RIMS2: variants seen among roughly 807,000 people sequenced by gnomAD.
RIMS2 encodes regulating synaptic membrane exocytosis protein 2.
Under a neutral mutation model 174.4 loss-of-function variants are expected in RIMS2, and 59 were observed. The observed-to-expected ratio is 0.34, with a 90% CI of 0.27 to 0.42. The LOEUF (loss-of-function observed/expected upper bound fraction) is 0.42, where lower values mean the gene tolerates loss of function less well. Among genes scored for constraint, RIMS2 ranks in the 10% least tolerant of loss-of-function variants. The pLI is 1.00. For missense variants in RIMS2, 1,620 were observed against 1,666.3 expected (o/e 0.97, Z 0.48); for synonymous variants, 606 against 572.5 (o/e 1.06, Z -0.84).
chr8:104,182,046 T>C (rs921892217), intron 19 of RIMS2, among the ~76,000 whole-genome samples: 2 of 151,734 alleles, frequency 1.3e-5, no homozygotes, highest in African/African-American at 4.8e-5. Context: ...TATGGAAATA[T>C]TTTATATGAT....
chr8:103,720,428 T>C (rs983434866), intron 2 of RIMS2, among the ~76,000 whole-genome samples: 9 of 152,230 alleles, frequency 5.9e-5, no homozygotes, highest in Non-Finnish European at 1.0e-4. Context: ...AACTTCATTC[T>C]AGTAAATACT....
At chr8:103,868,648 T>C (rs1262215353) in intron 3 of RIMS2, among the ~76,000 whole-genome samples, 1 of 152,122 alleles carries the variant, frequency 6.6e-6, no homozygotes, top group African/African-American at 2.4e-5. Context: ...GACAGTATTA[T>C]GCAAATTAAG....
intron 3 of RIMS2, among the ~76,000 whole-genome samples, chr8:103,866,136 T>A (rs182144872): frequency 1.3e-5 from 2 of 152,296 alleles, no homozygotes; most frequent in Non-Finnish European, 2.9e-5. Context: ...TTCATTCTGG[T>A]GCTCCAAAAT....
chr8:103,514,608 A>G (rs1828062034), intron 1 of RIMS2, among the ~76,000 whole-genome samples: 1 of 152,214 alleles, frequency 6.6e-6, no homozygotes, highest in Admixed American at 6.5e-5. Context: ...CTATGAGCAT[A>G]TCTTTTTAAT....
At chr8:103,583,763 A>G (rs367862983) in intron 1 of RIMS2, among the ~76,000 whole-genome samples, 1 of 152,220 alleles carries the variant, frequency 6.6e-6, no homozygotes, top group African/African-American at 2.4e-5. Context: ...AAGCATACTT[A>G]TAGGACCTAG....
intron 2 of RIMS2, among the ~76,000 whole-genome samples, chr8:103,712,497 G>A (rs2097318506): frequency 6.6e-6 from 1 of 152,108 alleles, no homozygotes; most frequent in South Asian, 2.1e-4. Context: ...TTGGTGTCAA[G>A]GATACTGCTT....
chr8:104,169,323 T>TATATATATAA (rs2098817662), intron 19 of RIMS2, among the ~76,000 whole-genome samples: 1 of 133,262 alleles, frequency 7.5e-6, no homozygotes, highest in East Asian at 2.2e-4. Context: ...TATATATATA[T>TATATATATAA]ATATATATAT....
At chr8:103,748,702 A>G (rs1313480454) in intron 2 of RIMS2, among the ~76,000 whole-genome samples, 1 of 152,102 alleles carries the variant, frequency 6.6e-6, no homozygotes, top group Non-Finnish European at 1.5e-5. Context: ...TAATCTTTAT[A>G]TAATTATGTC....
chr8:103,768,738 C>T, intron 3 of RIMS2: 1 of 764,132 alleles, frequency 1.3e-6, no homozygotes, highest in East Asian at 2.5e-5. Flanking sequence ...AAGATGATGT[C>T]CACCAGTATG....
chr8:103,920,605 T>C, intron 9 of RIMS2: 1 of 456,106 alleles, frequency 2.2e-6, no homozygotes, highest in Non-Finnish European at 4.4e-6. Flanking sequence ...TACTTCCACA[T>C]ACCTGCTTTA....
intron 1 of RIMS2, among the ~76,000 whole-genome samples, chr8:103,587,448 G>GA (rs1423163993): frequency 2.4e-5 from 3 of 125,736 alleles, no homozygotes; most frequent in African/African-American, 8.9e-5. Flanking sequence ...AAGAAAGAAA[G>GA]AAAGAAAGAA....
At chr8:103,743,944 C>T (rs953886281) in intron 2 of RIMS2, among the ~76,000 whole-genome samples, 2 of 152,114 alleles carry the variant, frequency 1.3e-5, no homozygotes, top group African/African-American at 4.8e-5. Context: ...TCTATTAATA[C>T]GTTGAAGTAC....
intron 3 of RIMS2, among the ~76,000 whole-genome samples, chr8:103,794,438 T>C (rs2098532377): frequency 6.6e-6 from 1 of 152,182 alleles, no homozygotes; most frequent in Admixed American, 6.5e-5. Flanking sequence ...TAATTTATGA[T>C]GGATTAAAGA....
chr8:103,922,701 T>C (rs1425013698), intron 10 of RIMS2: 1 of 357,414 alleles, frequency 2.8e-6, no homozygotes, highest in African/African-American at 2.1e-5. Context: ...AAGATAGCTT[T>C]TTGTTAAATT....
chr8:103,949,124 CAAA>C (rs533642917), intron 14 of RIMS2, among the ~76,000 whole-genome samples: 2 of 44,098 alleles, frequency 4.5e-5, no homozygotes, highest in African/African-American at 7.2e-5. Context: ...GAGACTCTGT[CAAA>C]AAAAAAAAAA....
chr8:103,754,143 G>T (rs1280197785), intron 2 of RIMS2, among the ~76,000 whole-genome samples: 3 of 152,060 alleles, frequency 2.0e-5, no homozygotes, highest in Non-Finnish European at 2.9e-5. Flanking sequence ...TGTTCTTATT[G>T]GTTTCAAAGA....
chr8:104,168,908 A>G (rs2098814017), intron 19 of RIMS2, among the ~76,000 whole-genome samples: 1 of 151,898 alleles, frequency 6.6e-6, no homozygotes, highest in Non-Finnish European at 1.5e-5. Flanking sequence ...AGATGATCGT[A>G]TAATTTTTGT....
At chr8:103,711,379 T>C (rs2097301444) in intron 2 of RIMS2, among the ~76,000 whole-genome samples, 1 of 152,200 alleles carries the variant, frequency 6.6e-6, no homozygotes, top group African/African-American at 2.4e-5. Context: ...CAAGATTCTA[T>C]TGCCTCTTCT....
At chr8:104,105,424 G>A (rs1201408321) in intron 19 of RIMS2, among the ~76,000 whole-genome samples, 1 of 152,112 alleles carries the variant, frequency 6.6e-6, no homozygotes, top group African/African-American at 2.4e-5. Flanking sequence ...GATAAAGGTT[G>A]GTATTGCATT....
Sources: allele counts gnomAD v4.1 joint callset (sites outside exome capture counted in the v4.1 genomes callset), GRCh38; gene constraint gnomAD v4.1.1; transcripts MANE v1.5; gene names NCBI Gene and HGNC (gene_info 2026-07-23, HGNC 2026-07-21).